IFT88: variants seen among roughly 807,000 people sequenced by gnomAD.
IFT88 encodes intraflagellar transport 88, also known as intraflagellar transport protein 88 homolog.
In IFT88, 74 loss-of-function variants were observed where a neutral mutation model predicts 119.5. The ratio of observed to expected loss-of-function variants is 0.62; its 90% CI spans 0.51 to 0.75. The LOEUF is 0.75. Ranked by LOEUF, IFT88 falls within the 30% of genes least tolerant of loss-of-function variation. The pLI is 0.00. For missense variants in IFT88, 961 were observed against 977.7 expected, an observed-to-expected ratio of 0.98 and a Z score of 0.23; for synonymous variants, 279 against 316.7, an observed-to-expected ratio of 0.88 and a Z score of 1.26.
intron 14 of IFT88, among the ~76,000 whole-genome samples, chr13:20,623,197 A>T (rs1179885572): frequency 6.6e-6 from 1 of 152,172 alleles, no homozygotes; most frequent in African/African-American, 2.4e-5. Flanking sequence ...CCAGTACCAC[A>T]CTGTTTTGAT....
rs367557180 is a variant in IFT88 at position 20,615,837 on chromosome 13, T to C, written c.1157T>C (p.Ile386Thr). ...EKYIMTSAKL[I>T]APVIETSFAA... ...TATATTATGACATCTGCAAAACTCA[T>C]TGCTCCTGTAATTGAAACATCTTTT... The change falls in exon 14 of 26, where the codon ATT (isoleucine) becomes ACT (threonine). Residue 386 changes from isoleucine (I) to threonine (T), a missense_variant. By Grantham distance (89) the Ile-to-Thr change is moderately conservative (BLOSUM62 -1). Coordinates refer to ENST00000351808, the MANE Select transcript of IFT88 (RefSeq NM_006531.5). 1 of 1,609,334 alleles carries C rather than the reference T, an allele frequency of 6.2e-7. No individual in the cohort carries two copies. Among genetic ancestry groups the C allele is most frequent in the Non-Finnish European group, 8.5e-7 (1 of 1,177,884 alleles).
chr13:20,687,022 CAA>C (rs370247448), intron 24 of IFT88, among the ~76,000 whole-genome samples: 767 of 59,642 alleles, frequency 0.013, 3 homozygotes, highest in African/African-American at 0.032. Context: ...ACTTTCTTAC[CAA>C]AAAAAAAAAA....
In IFT88 at chr13:20,605,077, G is replaced by A. The variant is rs1177543594; in HGVS notation, c.1084G>A (p.Asp362Asn). Residue 362 changes from aspartate to asparagine, a missense_variant, in exon 13 of 26, where the codon GAT becomes AAT. Asp to Asn is a conservative substitution (Grantham distance 23). Transcript: ENST00000351808. ...TNLVTEAIKN[D>N]HLRQMERERK... ...CTTAGTAACTGAAGCTATAAAAAATGATCACCTCAGGCAAATGGAACGTGA... is the reference window on the plus strand; with the variant it reads ...CTTAGTAACTGAAGCTATAAAAAATAATCACCTCAGGCAAATGGAACGTGA... The A allele has an allele frequency of 6.6e-7, 1 of 1,506,762 alleles. No individual in the cohort carries two copies. Among genetic ancestry groups the A allele is most frequent in the South Asian group, 1.2e-5 (1 of 86,852 alleles). The allele number at this position is 1,506,762 out of a possible 1,614,324, so 93.3% of individuals were successfully genotyped here.
intron 23 of IFT88, among the ~76,000 whole-genome samples, chr13:20,667,107 A>AAC (rs1474110118): frequency 6.6e-6 from 1 of 152,196 alleles, no homozygotes; most frequent in East Asian, 1.9e-4. Flanking sequence ...CTTAGCGTTG[A>AAC]AGTGATAAGA....
At position 20,599,472 on chromosome 13, in the gene IFT88, G is replaced by A; in HGVS notation, c.719G>A (p.Gly240Glu). 1 of 1,394,402 alleles carries A rather than the reference G, an allele frequency of 7.2e-7. No homozygotes were observed. Among genetic ancestry groups the A allele is most frequent in the Non-Finnish European group, 1.0e-6 (1 of 999,116 alleles). 86.4% of individuals were successfully genotyped at this position (1,394,402 alleles called of 1,614,324 possible). ...TTAGGAATATTGAAAATGAATATGG[G>A]AAATATCTATTTAAAGCAAAGAAAT... is the stretch of plus-strand genomic sequence containing the variant. ...SNAGILKMNM[G>E]NIYLKQRNYS... Residue 240 changes from glycine (G) to glutamate (E), a missense_variant, in exon 11 of 26, where the codon GGA becomes GAA. Coordinates refer to ENST00000351808, the MANE Select transcript of IFT88 (RefSeq NM_006531.5).
At chr13:20,595,096 C>T (rs976226215) in intron 7 of IFT88, among the ~76,000 whole-genome samples, 7 of 152,016 alleles carry the variant, frequency 4.6e-5, no homozygotes, top group African/African-American at 7.2e-5. Flanking sequence ...ACTTCTTCAC[C>T]TCATTAGAAA....
intron 3 of IFT88, among the ~76,000 whole-genome samples, 182 bp downstream of exon 3, chr13:20,583,201 A>G (rs2039036905): frequency 3.3e-5 from 5 of 152,198 alleles, no homozygotes; most frequent in Admixed American, 3.3e-4. Flanking sequence ...GTCTGTATCC[A>G]TTAAACAAAA....
At chr13:20,624,606 T>A (rs1260236742) in intron 14 of IFT88, among the ~76,000 whole-genome samples, 7 of 152,098 alleles carry the variant, frequency 4.6e-5, no homozygotes, top group African/African-American at 1.7e-4. Flanking sequence ...TATATATATA[T>A]CATAACACCA....
chr13:20,618,086 A>AT (rs1171285254), intron 14 of IFT88, among the ~76,000 whole-genome samples: 1 of 151,816 alleles, frequency 6.6e-6, no homozygotes, highest in Non-Finnish European at 1.5e-5. Context: ...AGCCCAGCTA[A>AT]TTTTTTTGTA....
Position 20,592,413 on chromosome 13 carries a change from G to A in IFT88, c.398+9G>A. On this transcript the variant is annotated intron_variant, in intron 7 of 25. Transcript: ENST00000351808. ...GCCAAGAAAAAAGATAGGTATGTAA[G>A]TCCTTATGTTGTTGTTTGTTGTTGT... 6.3e-7 allele frequency: 1 copy of A among 1,587,480 alleles called. No individual in the cohort carries two copies. The highest frequency in any genetic ancestry group is 8.6e-7 in the Non-Finnish European group (1 of 1,165,398).
intron 4 of IFT88, among the ~76,000 whole-genome samples, chr13:20,590,106 T>C (rs1330021140): frequency 6.6e-6 from 1 of 152,184 alleles, no homozygotes; most frequent in Non-Finnish European, 1.5e-5. Context: ...CCTGTGTTCG[T>C]TGACGTCCTT....
intron 11 of IFT88, among the ~76,000 whole-genome samples, chr13:20,600,414 A>G (rs967179029): frequency 6.6e-6 from 1 of 152,170 alleles, no homozygotes; most frequent in South Asian, 2.1e-4. Flanking sequence ...AAGGAGGCAT[A>G]CTTGATATTG....
chr13:20,623,847 C>T (rs959677522), intron 14 of IFT88, among the ~76,000 whole-genome samples: 1 of 152,100 alleles, frequency 6.6e-6, no homozygotes, highest in Non-Finnish European at 1.5e-5. Flanking sequence ...TCTTTAACCT[C>T]CTTGGTTATC....
At position 20,601,365 on chromosome 13, in the gene IFT88, GAAA is replaced by G. The variant is rs60858876; in HGVS notation, c.813-327_813-325del. On this transcript the variant is annotated intron_variant, in intron 11 of 25. Transcript: ENST00000351808. ...TGAGCAACAGAGAGAGACCCTGTCT[GAAA>G]AAAAAAAAAAAAGACTAATGGTTAC... 5.9e-3 allele frequency among the ~76,000 whole-genome samples: 846 copies of G among 143,222 alleles called. 1 individual carries two copies. Among genetic ancestry groups the G allele is most frequent in the Non-Finnish European group, 8.3e-3 (548 of 65,964 alleles). The allele number at this position is 143,222 out of a possible 152,430, so 94.0% of individuals were successfully genotyped here.
Position 20,656,443 on chromosome 13 carries a change from A to T in IFT88, c.2068+13A>T. On this transcript the variant is annotated intron_variant, in intron 22 of 25. Transcript: ENST00000351808. ...GAAAATGTCGAATGTAAGTGGCATTACATAATGTAACTTTGAAGTGATAAG... is the reference window on the plus strand; with the variant it reads ...GAAAATGTCGAATGTAAGTGGCATTTCATAATGTAACTTTGAAGTGATAAG... 1 of 1,325,934 alleles carries T rather than the reference A, an allele frequency of 7.5e-7. No individual in the cohort carries two copies. Among genetic ancestry groups the T allele is most frequent in the Non-Finnish European group, 1.1e-6 (1 of 950,106 alleles). The allele number at this position is 1,325,934 out of a possible 1,614,324, so 82.1% of individuals were successfully genotyped here. A position where few individuals can be genotyped will look rare whatever the true frequency, so the allele number is the denominator to read the frequency against.
At chr13:20,583,278 T>A (rs2039051256) in intron 3 of IFT88, among the ~76,000 whole-genome samples, 1 of 152,216 alleles carries the variant, frequency 6.6e-6, no homozygotes, top group African/African-American at 2.4e-5. Context: ...TCTATGAATT[T>A]GACTAATTTA....
At chr13:20,658,065 CA>C (rs1423926885) in intron 22 of IFT88, among the ~76,000 whole-genome samples, 4 of 151,524 alleles carry the variant, frequency 2.6e-5, no homozygotes, top group Non-Finnish European at 5.9e-5. Flanking sequence ...AAATACCAGT[CA>C]GGAAATAGGC....
chr13:20,598,591 A>G (rs575293232), intron 9 of IFT88, 60 bp from the exon 10 acceptor site: 9 of 925,730 alleles, frequency 9.7e-6, no homozygotes, highest in South Asian at 8.6e-5. Flanking sequence ...TAGAAAGATT[A>G]TAGGTGAAAG....
intron 14 of IFT88, among the ~76,000 whole-genome samples, chr13:20,616,885 T>TG (rs923331843): frequency 3.9e-5 from 6 of 152,156 alleles, no homozygotes; most frequent in Non-Finnish European, 8.8e-5. Context: ...CATTATCTTA[T>TG]GGGACCACTG....
Sources: allele counts gnomAD v4.1 joint callset (sites outside exome capture counted in the v4.1 genomes callset), GRCh38; gene constraint gnomAD v4.1.1; transcripts MANE v1.5; gene names NCBI Gene and HGNC (gene_info 2026-07-23, HGNC 2026-07-21).